Variants in RDX observed in about 807,000 individuals in gnomAD.
RDX encodes the protein radixin, also known as deafness, autosomal recessive 24.
In RDX, 32 loss-of-function variants were observed where a neutral mutation model predicts 83.7. The ratio of observed to expected loss-of-function variants is 0.38; its 90% CI spans 0.29 to 0.51. The LOEUF is 0.51. Among genes scored for constraint, RDX ranks in the 20% least tolerant of loss-of-function variants. The probability of loss-of-function intolerance (pLI) is 0.87; values close to 1 mark genes in which losing one functional copy is unlikely to be tolerated. For synonymous variants in RDX, 229 were observed against 222.7 expected (o/e 1.03, Z -0.25); for missense variants, 600 against 689.9 (o/e 0.87, Z 1.46).
chr11:110,202,312 G>A (rs920315894), intron 14 of RDX, among the ~76,000 whole-genome samples: 1 of 152,020 alleles, frequency 6.6e-6, no homozygotes, highest in South Asian at 2.1e-4. Context: ...GGAATCGCTT[G>A]AACCCTGGAG....
intron 15 of RDX, among the ~76,000 whole-genome samples, chr11:110,194,844 T>C (rs1386936746): frequency 2.6e-5 from 4 of 152,236 alleles, no homozygotes; most frequent in Non-Finnish European, 5.9e-5. Flanking sequence ...GAAAATCCTA[T>C]GTCATGTTGG....
At position 110,272,641 on chromosome 11, in the gene RDX, T is replaced by A. The variant is rs772014571; in HGVS notation, c.13-22A>T. Reference sequence around the variant, plus strand: ...TGATCTGTAATAAAAATAAAAGGAATAATAAGTAGAAGAGAAGTTATTAGG... The same window carrying A: ...TGATCTGTAATAAAAATAAAAGGAAAAATAAGTAGAAGAGAAGTTATTAGG... On this transcript the variant is annotated intron_variant, in intron 2 of 13. Transcript: ENST00000645495. 5.2e-6 allele frequency: 8 copies of A among 1,523,852 alleles called. No individual in the cohort carries two copies. In the East Asian group the frequency reaches 1.6e-4, roughly 31 times the overall value. The allele number at this position is 1,523,852 out of a possible 1,614,324, so 94.4% of individuals were successfully genotyped here.
Position 110,272,519 on chromosome 11 carries a change from T to G in RDX, c.96+17A>C, listed in dbSNP as rs1565327625. On this transcript the variant is annotated intron_variant, in intron 3 of 13. Coordinates refer to ENST00000645495, the MANE Select transcript of RDX (RefSeq NM_002906.4). ...CACTATGGTGTCAAAAGTTGCATAT[T>G]TCATGCAGTGTAATACCTGGTCAAA... The G allele has an allele frequency of 1.3e-6, 2 of 1,554,494 alleles. No homozygotes were observed. The highest frequency in any genetic ancestry group is 4.5e-5 in the East Asian group (2 of 44,548).
intron 14 of RDX, among the ~76,000 whole-genome samples, chr11:110,208,688 G>A (rs1396323371): frequency 6.6e-6 from 1 of 152,160 alleles, no homozygotes. Flanking sequence ...GCCAGGTGTG[G>A]AGGTTAACGC....
intron 14 of RDX, among the ~76,000 whole-genome samples, chr11:110,206,843 C>T (rs1421372932): frequency 6.6e-6 from 1 of 152,198 alleles, no homozygotes; most frequent in Non-Finnish European, 1.5e-5. Flanking sequence ...ACTCTAAGGA[C>T]ACTGAGTAAA....
chr11:110,175,533 A>G (rs1313081406), intron 15 of RDX, among the ~76,000 whole-genome samples: 1 of 152,178 alleles, frequency 6.6e-6, no homozygotes, highest in African/African-American at 2.4e-5. Context: ...GGCAAGTACA[A>G]TGTTTAAATG....
At position 110,230,213 on chromosome 11, in the gene RDX, T is replaced by C. The variant is rs1864569826; in HGVS notation, c.*1656A>G. 6.6e-6 allele frequency: 1 copy of C among 152,156 alleles called. No homozygotes were observed. Among genetic ancestry groups the C allele is most frequent in the South Asian group, 2.1e-4 (1 of 4,818 alleles). 9.4% of individuals were successfully genotyped at this position (152,156 alleles called of 1,614,324 possible). On this transcript the variant is annotated 3_prime_UTR_variant, in exon 14 of 14. Transcript: ENST00000645495. ...AAATGGCAATTTTAATAGATAAATGTAAATTTGACTGTGTAATACCAAATG... is the reference window on the plus strand; with the variant it reads ...AAATGGCAATTTTAATAGATAAATGCAAATTTGACTGTGTAATACCAAATG...
chr11:110,253,999 T>C lies in RDX; in HGVS notation c.906A>G (p.Val302=), dbSNP rs375582413. The C allele has an allele frequency of 1.3e-4, 204 of 1,613,844 alleles. No individual in the cohort carries two copies. Among genetic ancestry groups the C allele is most frequent in the Non-Finnish European group, 1.7e-4 (199 of 1,179,866 alleles). The change falls in exon 9 of 14, where the codon GTA becomes GTG. Residue 302 remains valine, a synonymous_variant. Coordinates refer to ENST00000645495, the MANE Select transcript of RDX (RefSeq NM_002906.4). ...CCCTAGCCTGAGCCTTCATCTGTTG[T>C]ACTTCAATAGTATCAGGCTTCCTTC... is the stretch of plus-strand genomic sequence containing the variant. The part of the protein sequence containing the change: ...MRRRKPDTIE[V]QQMKAQAREE...
chr11:110,284,745 G>A (rs567006218), intron 1 of RDX, among the ~76,000 whole-genome samples: 7 of 151,878 alleles, frequency 4.6e-5, no homozygotes, highest in East Asian at 3.9e-4. Flanking sequence ...GGATGGTCTC[G>A]ATCTCCTGAC....
chr11:110,246,596 G>A lies in RDX; in HGVS notation c.1090+1107C>T, dbSNP rs559494848. 2.6e-5 allele frequency among the ~76,000 whole-genome samples: 4 copies of A among 152,096 alleles called. No homozygotes were observed. In the South Asian group the frequency reaches 8.3e-4, roughly 32 times the overall value. ...TCAAGACCAGTCTGGCCAACATGGC[G>A]AAACCCTCTCTCTACTAAAAATACA... On this transcript the variant is annotated intron_variant, in intron 10 of 13. Coordinates refer to ENST00000645495, the MANE Select transcript of RDX (RefSeq NM_002906.4).
chr11:110,279,443 T>C (rs985316337), intron 2 of RDX, among the ~76,000 whole-genome samples: 1 of 152,186 alleles, frequency 6.6e-6, no homozygotes, highest in Admixed American at 6.5e-5. Flanking sequence ...GGAGAATCAC[T>C]TGAACCCAGA....
intron 5 of RDX, among the ~76,000 whole-genome samples, chr11:110,260,222 G>A (rs1859747919): frequency 6.6e-6 from 1 of 152,118 alleles, no homozygotes; most frequent in African/African-American, 2.4e-5. Flanking sequence ...CCAGCCTCAG[G>A]TGATCCGCCC....
intron 2 of RDX, among the ~76,000 whole-genome samples, chr11:110,274,845 A>T (rs1174823961): frequency 6.6e-6 from 1 of 152,174 alleles, no homozygotes; most frequent in Non-Finnish European, 1.5e-5. Flanking sequence ...CACTGTTTCC[A>T]ATTTTTTGGC....
At chr11:110,289,672 T>C (rs1861134586) in intron 1 of RDX, among the ~76,000 whole-genome samples, 1 of 152,106 alleles carries the variant, frequency 6.6e-6, no homozygotes, top group African/African-American at 2.4e-5. Flanking sequence ...ATCTCGGCAC[T>C]TTGGGAAGCC....
chr11:110,222,393 C>T (rs1195099576), intron 14 of RDX, among the ~76,000 whole-genome samples: 1 of 152,192 alleles, frequency 6.6e-6, no homozygotes, highest in African/African-American at 2.4e-5. Flanking sequence ...GTACATTAAA[C>T]TATATCCAGA....
chr11:110,259,512 T>C (rs1377045347), intron 5 of RDX, among the ~76,000 whole-genome samples: 2 of 152,230 alleles, frequency 1.3e-5, no homozygotes, highest in African/African-American at 4.8e-5. Flanking sequence ...CCTGGATAAG[T>C]TACCTACTAC....
intron 14 of RDX, among the ~76,000 whole-genome samples, chr11:110,220,007 A>T (rs1864190491): frequency 6.6e-6 from 1 of 152,208 alleles, no homozygotes. Flanking sequence ...TTCATAACAC[A>T]CAAACACATA....
chr11:110,204,878 T>C (rs1247382335), intron 14 of RDX, among the ~76,000 whole-genome samples: 1 of 152,184 alleles, frequency 6.6e-6, no homozygotes, highest in East Asian at 1.9e-4. Flanking sequence ...GTCCCCAAAG[T>C]ATTTTTTCCC....
At chr11:110,237,706 A>T (rs761059677) in intron 10 of RDX, 54 bp from the exon 11 acceptor site, 1 of 1,582,170 alleles carries the variant, frequency 6.3e-7, no homozygotes, top group Non-Finnish European at 8.7e-7. Flanking sequence ...CATTCTCATT[A>T]TCAAAAGAAG....
Sources: allele counts gnomAD v4.1 joint callset (sites outside exome capture counted in the v4.1 genomes callset), GRCh38; gene constraint gnomAD v4.1.1; transcripts MANE v1.5; gene names NCBI Gene and HGNC (gene_info 2026-07-23, HGNC 2026-07-21).